The following NLGN1 variants were observed in gnomAD, a reference collection of about 807,000 sequenced individuals.
NLGN1 encodes neuroligin-1.
NLGN1 carries 12 observed loss-of-function variants against 65.5 expected under a neutral mutation model. That is an observed-to-expected ratio of 0.18 (90% CI 0.12 to 0.30). The LOEUF is 0.30. Ranked by LOEUF, NLGN1 falls within the 10% of genes least tolerant of loss-of-function variation. NLGN1 has a pLI of 1.00. For missense variants in NLGN1, 750 were observed against 1,007.1 expected, an observed-to-expected ratio of 0.74 and a Z score of 3.46; for synonymous variants, 350 against 359.5, an observed-to-expected ratio of 0.97 and a Z score of 0.30.
intron 3 of NLGN1, among the ~76,000 whole-genome samples, chr3:173,737,362 C>A (rs74850842): frequency 6.6e-6 from 1 of 151,914 alleles, no homozygotes; most frequent in East Asian, 1.9e-4. Flanking sequence ...CATTTTGAAA[C>A]CATCACCACA....
intron 4 of NLGN1, among the ~76,000 whole-genome samples, chr3:174,013,656 T>C (rs1725983917): frequency 6.6e-6 from 1 of 152,182 alleles, no homozygotes; most frequent in Non-Finnish European, 1.5e-5. Context: ...AAACATTAGA[T>C]AAATATCGAC....
chr3:173,819,584 C>G (rs1578604540), intron 4 of NLGN1, among the ~76,000 whole-genome samples: 2 of 152,270 alleles, frequency 1.3e-5, no homozygotes, highest in Middle Eastern at 3.4e-3. Flanking sequence ...CGTTGTAGCT[C>G]TATTATCTTT....
chr3:173,581,776 G>A (rs1316711929), intron 2 of NLGN1, among the ~76,000 whole-genome samples: 4 of 151,626 alleles, frequency 2.6e-5, no homozygotes, highest in South Asian at 2.1e-4. Flanking sequence ...TTATAATATG[G>A]TAAAGATTCA....
intron 4 of NLGN1, among the ~76,000 whole-genome samples, chr3:173,835,580 T>TACACACACACACACACACACAC (rs57183549): frequency 3.4e-5 from 5 of 146,494 alleles, no homozygotes; most frequent in Middle Eastern, 7.0e-3. Flanking sequence ...TTCAAACACA[T>TACACACACACACACACACACAC]ACACACACAC....
intron 2 of NLGN1, among the ~76,000 whole-genome samples, chr3:173,501,137 C>G (rs749413492): frequency 6.6e-6 from 1 of 152,084 alleles, no homozygotes; most frequent in Non-Finnish European, 1.5e-5. Context: ...GTTCCAGATA[C>G]ATGTGCAGGA....
At chr3:174,056,394 CT>C (rs1280965583) in intron 4 of NLGN1, among the ~76,000 whole-genome samples, 1 of 151,606 alleles carries the variant, frequency 6.6e-6, no homozygotes, top group Non-Finnish European at 1.5e-5. Context: ...TAAGTAATTT[CT>C]TTTTCTTTTC....
intron 2 of NLGN1, among the ~76,000 whole-genome samples, chr3:173,570,944 C>T (rs1004056918): frequency 6.6e-6 from 1 of 152,256 alleles, no homozygotes; most frequent in African/African-American, 2.4e-5. Context: ...CCTCGTGATC[C>T]ACCCGTCTCG....
chr3:174,258,313 G>A (rs549165117), intron 4 of NLGN1, among the ~76,000 whole-genome samples: 93 of 152,038 alleles, frequency 6.1e-4, no homozygotes, highest in African/African-American at 2.2e-3. Context: ...ATAAACAAAT[G>A]AATAAGTGAA....
rs181463633 is a variant in NLGN1 at position 173,883,739 on chromosome 3, G to A, written c.646+75907G>A. 3.8e-4 allele frequency among the ~76,000 whole-genome samples: 56 copies of A among 148,080 alleles called. No individual in the cohort carries two copies. The East Asian group carries it at 0.011, about 29-fold the overall frequency. On this transcript the variant is annotated intron_variant, in intron 4 of 6. Transcript: ENST00000457714. ...TATATATTGATTTGTAATTGCCCAT[G>A]TTGACATGGCAGTATCATGGGCCAT...
chr3:174,218,236 C>A (rs1014267155), intron 4 of NLGN1, among the ~76,000 whole-genome samples: 1 of 151,988 alleles, frequency 6.6e-6, no homozygotes, highest in Non-Finnish European at 1.5e-5. Flanking sequence ...CATTGATTAC[C>A]CTTTACCTTC....
At chr3:173,459,896 CAG>C (rs1386673769) in intron 2 of NLGN1, among the ~76,000 whole-genome samples, 7 of 151,686 alleles carry the variant, frequency 4.6e-5, no homozygotes, top group Admixed American at 3.9e-4. Flanking sequence ...AAGCTGTTAT[CAG>C]GGGTTGTTAG....
intron 3 of NLGN1, among the ~76,000 whole-genome samples, chr3:173,792,035 C>T (rs1401948764): frequency 6.6e-6 from 1 of 151,984 alleles, no homozygotes; most frequent in African/African-American, 2.4e-5. Context: ...GAGAAAGGGG[C>T]AGAGAATTGT....
At chr3:173,593,902 A>C (rs1392219208) in intron 2 of NLGN1, among the ~76,000 whole-genome samples, 1 of 152,226 alleles carries the variant, frequency 6.6e-6, no homozygotes, top group Non-Finnish European at 1.5e-5. Context: ...ACTCCTGATA[A>C]AACCATCAGA....
chr3:174,069,035 T>G lies in NLGN1; in HGVS notation c.647-206280T>G, dbSNP rs188242889. On this transcript the variant is annotated intron_variant, in intron 4 of 6. Transcript: ENST00000457714. ...TCTGTGCCAATCTGTGTGGTGGACT[T>G]AAGGAGGATAACAGAGTTTCAAAGG... Among the ~76,000 whole-genome samples, 229 of 152,174 alleles carry G rather than the reference T, an allele frequency of 1.5e-3. 1 individual carries two copies. The highest frequency in any genetic ancestry group is 5.4e-3 in the African/African-American group (224 of 41,528).
intron 1 of NLGN1, among the ~76,000 whole-genome samples, chr3:173,409,973 G>A (rs1712168080): frequency 6.6e-6 from 1 of 152,128 alleles, no homozygotes; most frequent in Non-Finnish European, 1.5e-5. Flanking sequence ...GAGGAATTTG[G>A]GTCTGGGAAA....
intron 2 of NLGN1, among the ~76,000 whole-genome samples, chr3:173,469,880 A>G (rs891786253): frequency 6.6e-6 from 1 of 151,926 alleles, no homozygotes; most frequent in South Asian, 2.1e-4. Context: ...GAACACCTAC[A>G]TATGCTTACT....
intron 2 of NLGN1, among the ~76,000 whole-genome samples, chr3:173,567,605 AT>A (rs1423262030): frequency 6.6e-6 from 1 of 151,382 alleles, no homozygotes; most frequent in Non-Finnish European, 1.5e-5. Context: ...ATTTTACTGT[AT>A]TTTTATATAA....
intron 4 of NLGN1, among the ~76,000 whole-genome samples, chr3:174,067,722 C>T (rs990208739): frequency 6.6e-6 from 1 of 152,098 alleles, no homozygotes; most frequent in African/African-American, 2.4e-5. Flanking sequence ...ATACCCTGTA[C>T]CAGGGCCCCC....
intron 3 of NLGN1, among the ~76,000 whole-genome samples, chr3:173,795,646 A>C (rs1713877635): frequency 6.6e-6 from 1 of 152,138 alleles, no homozygotes; most frequent in Admixed American, 6.6e-5. Flanking sequence ...AATGTTTGTC[A>C]GGTTGAAAAA....
Sources: allele counts gnomAD v4.1 joint callset (sites outside exome capture counted in the v4.1 genomes callset), GRCh38; gene constraint gnomAD v4.1.1; transcripts MANE v1.5; gene names NCBI Gene and HGNC (gene_info 2026-07-23, HGNC 2026-07-21).